The following SZRD1 variants were observed in gnomAD, a reference collection of about 807,000 sequenced individuals.
The protein encoded by SZRD1 is SUZ RNA-binding domain-containing.
In SZRD1, 7 loss-of-function variants were observed where a neutral mutation model predicts 17.6. The ratio of observed to expected loss-of-function variants is 0.40; its 90% confidence interval spans 0.23 to 0.75. SZRD1 has a LOEUF of 0.75. Among genes scored for constraint, SZRD1 ranks in the 30% least tolerant of loss-of-function variants. The pLI, the probability that SZRD1 is intolerant of heterozygous loss-of-function variation, is 0.38. For synonymous variants in SZRD1, 77 were observed against 77.9 expected (o/e 0.99, Z 0.06); for missense variants, 178 against 201.8 (o/e 0.88, Z 0.71).
At chr1:16,377,132 T>C (rs1290450577) in intron 1 of SZRD1, among the ~76,000 whole-genome samples, 1 of 152,170 alleles carries the variant, frequency 6.6e-6, no homozygotes, top group Non-Finnish European at 1.5e-5. Context: ...GGCATTGTGT[T>C]TGCCACCCCT....
intron 1 of SZRD1, among the ~76,000 whole-genome samples, chr1:16,379,544 T>TA (rs1217369064): frequency 6.6e-6 from 1 of 152,210 alleles, no homozygotes; most frequent in Admixed American, 6.5e-5. Flanking sequence ...GAGGACGTAA[T>TA]ACCTGTTTTT....
chr1:16,383,426 T>C (rs2083138576), intron 1 of SZRD1, among the ~76,000 whole-genome samples: 1 of 151,770 alleles, frequency 6.6e-6, no homozygotes, highest in African/African-American at 2.4e-5. Context: ...TACTTTCTTG[T>C]CCAGGCTGGT....
chr1:16,384,387 A>AG (rs1186736670), intron 1 of SZRD1, among the ~76,000 whole-genome samples: 1 of 152,118 alleles, frequency 6.6e-6, no homozygotes, highest in East Asian at 1.9e-4. Context: ...AAAAAAAAAA[A>AG]AAAAGGGAAA....
At chr1:16,395,017 C>G in intron 3 of SZRD1, 21 bp from the exon 4 acceptor site, 1 of 1,439,486 alleles carries the variant, frequency 6.9e-7, no homozygotes, top group African/African-American at 1.4e-5. Context: ...TCAGGCCTTC[C>G]TCTGCTTTTC....
intron 3 of SZRD1, among the ~76,000 whole-genome samples, chr1:16,394,035 CTT>C (rs1243063496): frequency 6.6e-6 from 1 of 152,128 alleles, no homozygotes; most frequent in African/African-American, 2.4e-5. Context: ...CCTTTTTACT[CTT>C]AACATTTTTT....
chr1:16,382,795 C>A (rs1226256287), intron 1 of SZRD1, among the ~76,000 whole-genome samples: 2 of 151,846 alleles, frequency 1.3e-5, no homozygotes, highest in Admixed American at 1.3e-4. Flanking sequence ...TGTGCCGAGT[C>A]GGGACCCATC....
chr1:16,379,764 T>G (rs1023497895), intron 1 of SZRD1, among the ~76,000 whole-genome samples: 24 of 150,772 alleles, frequency 1.6e-4, no homozygotes, highest in African/African-American at 5.3e-4. Flanking sequence ...TTTGGGGTTT[T>G]TTTTTTTTTT....
At chr1:16,380,004 G>T (rs867028150) in intron 1 of SZRD1, among the ~76,000 whole-genome samples, 1 of 152,000 alleles carries the variant, frequency 6.6e-6, no homozygotes, top group Non-Finnish European at 1.5e-5. Flanking sequence ...CGTGTGTTGG[G>T]TACTATTTTA....
chr1:16,369,530 T>C, intron 1 of SZRD1: 1 of 785,544 alleles, frequency 1.3e-6, no homozygotes, highest in South Asian at 1.4e-5. Flanking sequence ...ACAGAAGCCA[T>C]GGCAGCAGCG....
At position 16,391,251 on chromosome 1, in the gene SZRD1, T is replaced by G. The variant is rs2085216915; in HGVS notation, c.52-124T>G. On this transcript the variant is annotated intron_variant, in intron 1 of 3. Transcript: ENST00000401088. This position sits in a 1 kb window ranked among gnomAD's most constrained non-coding sequence, Gnocchi z 4.3. ...CCCAAAATCTAGTCCACATTTGTTA[T>G]GTTGAAGGACACAGTCATGTCCCTG... The G allele has an allele frequency of 1.4e-6, 1 of 712,806 alleles. No individual in the cohort carries two copies. Among genetic ancestry groups the G allele is most frequent in the East Asian group, 2.8e-5 (1 of 36,230 alleles). 44.2% of individuals were successfully genotyped at this position (712,806 alleles called of 1,614,324 possible). A position where few individuals can be genotyped will look rare whatever the true frequency, so the allele number is the denominator to read the frequency against.
In SZRD1 at chr1:16,393,012, G is replaced by T. The variant is rs2085242962; in HGVS notation, c.102-216G>T. Among the ~76,000 whole-genome samples the T allele has an allele frequency of 6.6e-6, 1 of 152,226 alleles. No homozygotes were observed. Among genetic ancestry groups the T allele is most frequent in the South Asian group, 2.1e-4 (1 of 4,838 alleles). On this transcript the variant is annotated intron_variant, in intron 2 of 3. Coordinates refer to ENST00000401088, the MANE Select transcript of SZRD1 (RefSeq NM_001114600.3). The surrounding 1 kb of genome is among the most constrained non-coding windows in gnomAD (Gnocchi z 5.6). ...TGTGGCCAGGGGTTAGGGCTGAGGA[G>T]CAGTTCCTGTGGCCTGTCAGAGCTG... is the stretch of plus-strand genomic sequence containing the variant.
chr1:16,384,304 T>C (rs1158162273), intron 1 of SZRD1, among the ~76,000 whole-genome samples: 1 of 144,768 alleles, frequency 6.9e-6, no homozygotes, highest in Non-Finnish European at 1.5e-5. Flanking sequence ...TTTGGGAGAG[T>C]GAGGTGGGAG....
intron 1 of SZRD1, among the ~76,000 whole-genome samples, chr1:16,368,328 G>A (rs1488870091): frequency 2.6e-5 from 4 of 152,048 alleles, no homozygotes; most frequent in African/African-American, 9.7e-5. Context: ...GTAGGCGCTG[G>A]GTTTTTTTTC....
chr1:16,368,841 T>C (rs976478102), intron 1 of SZRD1, among the ~76,000 whole-genome samples: 1 of 152,218 alleles, frequency 6.6e-6, no homozygotes, highest in Non-Finnish European at 1.5e-5. Context: ...TTCTTGGGCA[T>C]CTTGGCCTTT....
chr1:16,393,373 C>G lies in SZRD1; in HGVS notation c.247C>G (p.Leu83Val). Residue 83 changes from leucine (L) to valine (V), a missense_variant, in exon 3 of 4, where the codon CTT (leucine) becomes GTT (valine). Leu to Val is a conservative substitution (Grantham distance 32, BLOSUM62 1). This residue lies in a region of SZRD1 where 117 missense variants were observed against 108.7 expected (regional missense o/e 1.08). Coordinates refer to ENST00000401088, the MANE Select transcript of SZRD1 (RefSeq NM_001114600.3). The surrounding 1 kb of genome is among the most constrained non-coding windows in gnomAD (Gnocchi z 5.6). ...SSPNSTSRPTLPVKSLAQREA... is the reference protein window; with the variant it reads ...SSPNSTSRPTVPVKSLAQREA... Reference sequence around the variant, plus strand: ...CCCCAACTCCACCAGCAGGCCCACCCTTCCAGTCAAGTCCCTAGCACAGCG... The same window carrying G: ...CCCCAACTCCACCAGCAGGCCCACCGTTCCAGTCAAGTCCCTAGCACAGCG... The G allele has an allele frequency of 6.2e-7, 1 of 1,614,222 alleles. No individual in the cohort carries two copies. The highest frequency in any genetic ancestry group is 8.5e-7 in the Non-Finnish European group (1 of 1,180,050).
intron 1 of SZRD1, among the ~76,000 whole-genome samples, chr1:16,388,678 CT>C (rs950662267): frequency 0.063 from 5,776 of 92,228 alleles, 30 homozygotes; most frequent in African/African-American, 0.089. Flanking sequence ...AAGAATAAGT[CT>C]TTTTTTTTTT....
Position 16,395,901 on chromosome 1 carries a change from G to T in SZRD1, c.*761G>T, listed in dbSNP as rs1570059435. On this transcript the variant is annotated 3_prime_UTR_variant, in exon 4 of 4. Coordinates refer to ENST00000401088, the MANE Select transcript of SZRD1 (RefSeq NM_001114600.3). ...CCCGAGCTAAGTCCCAGGGCATCTG[G>T]GCCTTGCCTGGAGACTGGGCTAGCT... 1 of 152,752 alleles carries T rather than the reference G, an allele frequency of 6.5e-6. No homozygotes were observed. The allele number at this position is 152,752 out of a possible 1,614,324, so 9.5% of individuals were successfully genotyped here.
rs1478692687 is a variant in SZRD1, at chr1:16,391,054, A to G, written c.52-321A>G. Among the ~76,000 whole-genome samples the G allele has an allele frequency of 6.6e-6, 1 of 152,118 alleles. No homozygotes were observed. The highest frequency in any genetic ancestry group is 1.5e-5 in the Non-Finnish European group (1 of 68,024). On this transcript the variant is annotated intron_variant, in intron 1 of 3. Coordinates refer to ENST00000401088, the MANE Select transcript of SZRD1 (RefSeq NM_001114600.3). This position sits in a 1 kb window ranked among gnomAD's most constrained non-coding sequence, Gnocchi z 4.3. ...TTCATAAAATAGAGTAAGTGTTCCT[A>G]AGTTTAGGTTTAGAAGTTGATATGA...
At chr1:16,374,288 C>T (rs1467002573) in intron 1 of SZRD1, among the ~76,000 whole-genome samples, 1 of 152,174 alleles carries the variant, frequency 6.6e-6, no homozygotes, top group Non-Finnish European at 1.5e-5. Flanking sequence ...AAGGGGCTTT[C>T]TGTGAAGCAG....
Sources: allele counts gnomAD v4.1 joint callset (sites outside exome capture counted in the v4.1 genomes callset), GRCh38; gene constraint gnomAD v4.1.1; regional missense constraint gnomAD v4.1.1; non-coding constraint Gnocchi (gnomAD v3.1); transcripts MANE v1.5; gene names NCBI Gene and HGNC (gene_info 2026-07-23, HGNC 2026-07-21).